Variants in BASP1 observed in about 807,000 individuals in gnomAD.
The protein encoded by BASP1 is brain abundant membrane attached signal protein 1, also known as brain acid soluble protein 1.
In BASP1, 1 loss-of-function variant was observed where a neutral mutation model predicts 2.2. The observed-to-expected ratio is 0.46, with a 90% confidence interval of 0.16 to 2.17. The LOEUF (loss-of-function observed/expected upper bound fraction) is 2.17. Among genes scored for constraint, BASP1 ranks in the 30% most tolerant of loss-of-function variants. The pLI is 0.27. For synonymous variants in BASP1, 187 were observed against 154.2 expected (o/e 1.21, Z -1.58); for missense variants, 352 against 327.2 (o/e 1.08, Z -0.58).
chr5:17,223,744 T>C (rs986378719), intron 1 of BASP1, among the ~76,000 whole-genome samples: 3 of 152,222 alleles, frequency 2.0e-5, no homozygotes, highest in Non-Finnish European at 2.9e-5. Flanking sequence ...ACCTTGGGTG[T>C]AGATGTAACT....
Position 17,275,594 on chromosome 5 carries a change from C to A in BASP1, c.378C>A (p.Ala126=). 7.1e-7 allele frequency: 1 copy of A among 1,410,250 alleles called. No individual in the cohort carries two copies. The highest frequency in any genetic ancestry group is 1.6e-5 in the South Asian group (1 of 63,510). 87.4% of individuals were successfully genotyped at this position (1,410,250 alleles called of 1,614,324 possible). Residue 126 remains alanine (A), a synonymous_variant, in exon 2 of 2, where the codon GCC becomes GCA. Coordinates refer to ENST00000322611, the MANE Select transcript of BASP1 (RefSeq NM_006317.5). The surrounding 1 kb of genome is among the most constrained non-coding windows in gnomAD (Gnocchi z 5.3). ...GGEAPKAAEA[A]AAPAESAAPA... is the part of the protein sequence containing the mutation. ...AGGCCCCCAAAGCTGCTGAGGCCGC[C>A]GCGGCCCCGGCCGAGAGCGCGGCCC... is the stretch of plus-strand genomic sequence containing the variant.
chr5:17,256,163 A>G (rs1469726838), intron 1 of BASP1, among the ~76,000 whole-genome samples: 1 of 152,240 alleles, frequency 6.6e-6, no homozygotes, highest in Non-Finnish European at 1.5e-5. Context: ...TTTGAAGGAC[A>G]TTCCAAGGTG....
chr5:17,265,634 A>G (rs1383568433), intron 1 of BASP1, among the ~76,000 whole-genome samples: 1 of 152,122 alleles, frequency 6.6e-6, no homozygotes, highest in African/African-American at 2.4e-5. Context: ...TTCCTACTTG[A>G]TACTCCTTTT....
chr5:17,227,930 T>C (rs187753998), intron 1 of BASP1, among the ~76,000 whole-genome samples: 1 of 152,200 alleles, frequency 6.6e-6, no homozygotes, highest in Non-Finnish European at 1.5e-5. Context: ...TTTAGAAACC[T>C]GGTTCCAGAA....
chr5:17,218,741 C>G (rs1246611552), intron 1 of BASP1, among the ~76,000 whole-genome samples: 1 of 151,400 alleles, frequency 6.6e-6, no homozygotes, highest in East Asian at 2.0e-4. Flanking sequence ...CCTGCTCCCC[C>G]CGCCCCCGTC....
At position 17,260,877 on chromosome 5, in the gene BASP1, A is replaced by G. The variant is rs771591926; in HGVS notation, c.-9-14331A>G. 5.9e-5 allele frequency among the ~76,000 whole-genome samples: 9 copies of G among 152,220 alleles called. No individual in the cohort carries two copies. Among genetic ancestry groups the G allele is most frequent in the Non-Finnish European group, 1.2e-4 (8 of 68,038 alleles). On this transcript the variant is annotated intron_variant, in intron 1 of 1. Coordinates refer to ENST00000322611, the MANE Select transcript of BASP1 (RefSeq NM_006317.5). This position sits in a 1 kb window ranked among gnomAD's most constrained non-coding sequence, Gnocchi z 4.2. ...AACTTTGAACGCAATCCAACAATAT[A>G]AAAGGGTTAAGCAGGCCTGGCCTGG...
intron 1 of BASP1, among the ~76,000 whole-genome samples, chr5:17,244,282 T>G (rs1322862106): frequency 1.3e-5 from 2 of 152,232 alleles, no homozygotes; most frequent in Non-Finnish European, 2.9e-5. Context: ...TCAGACTTGA[T>G]TCTCTATGGT....
chr5:17,242,285 GGT>G (rs1174868141), intron 1 of BASP1, among the ~76,000 whole-genome samples: 2 of 152,118 alleles, frequency 1.3e-5, no homozygotes, highest in Non-Finnish European at 2.9e-5. Flanking sequence ...GATGAGTGCG[GGT>G]GAGAATGGTC....
intron 1 of BASP1, among the ~76,000 whole-genome samples, chr5:17,244,136 T>C (rs2962356): frequency 0.32 from 48,085 of 152,014 alleles, 7,810 homozygotes; most frequent in East Asian, 0.47. Flanking sequence ...AGATTATACG[T>C]ATTGTACATT....
At chr5:17,259,360 C>G (rs1740271590) in intron 1 of BASP1, among the ~76,000 whole-genome samples, 1 of 152,198 alleles carries the variant, frequency 6.6e-6, no homozygotes, top group African/African-American at 2.4e-5. Flanking sequence ...AGTTACAATT[C>G]AAGATGAGAT....
At chr5:17,252,506 G>A (rs1347142517) in intron 1 of BASP1, among the ~76,000 whole-genome samples, 3 of 152,150 alleles carry the variant, frequency 2.0e-5, no homozygotes, top group Non-Finnish European at 4.4e-5. Flanking sequence ...ACCCAAGCAC[G>A]TTTTTTGGAG....
intron 1 of BASP1, among the ~76,000 whole-genome samples, chr5:17,249,695 AT>A (rs1740063617): frequency 6.6e-6 from 1 of 152,074 alleles, no homozygotes; most frequent in Non-Finnish European, 1.5e-5. Flanking sequence ...TTAAACTTCA[AT>A]TTAGACTCTA....
At chr5:17,269,339 C>T (rs551640479) in intron 1 of BASP1, among the ~76,000 whole-genome samples, 15 of 152,340 alleles carry the variant, frequency 9.8e-5, no homozygotes, top group Admixed American at 4.6e-4. Context: ...AAGTGAGACT[C>T]AGAAGGTGAT....
chr5:17,257,219 G>A (rs1310025701), intron 1 of BASP1, among the ~76,000 whole-genome samples: 1 of 152,084 alleles, frequency 6.6e-6, no homozygotes, highest in East Asian at 1.9e-4. Flanking sequence ...ATCATTGTGA[G>A]ATTTATTAAC....
intron 1 of BASP1, among the ~76,000 whole-genome samples, chr5:17,243,446 G>T (rs1430161404): frequency 6.6e-6 from 1 of 152,094 alleles, no homozygotes; most frequent in Non-Finnish European, 1.5e-5. Context: ...GAGCCACCAC[G>T]CCCGGCTCCC....
chr5:17,238,035 C>T (rs1208610785), intron 1 of BASP1, among the ~76,000 whole-genome samples: 5 of 152,058 alleles, frequency 3.3e-5, no homozygotes, highest in African/African-American at 1.2e-4. Flanking sequence ...GATTCTTGTT[C>T]TCAGTGGCCT....
chr5:17,266,851 A>G (rs1740425091), intron 1 of BASP1, among the ~76,000 whole-genome samples: 1 of 150,532 alleles, frequency 6.6e-6, no homozygotes, highest in South Asian at 2.1e-4. Flanking sequence ...CTGACCTGGA[A>G]CTCTTTCTCA....
intron 1 of BASP1, among the ~76,000 whole-genome samples, chr5:17,235,278 TG>T (rs1739718461): frequency 1.3e-5 from 2 of 151,296 alleles, no homozygotes; most frequent in Admixed American, 6.6e-5. Context: ...TTTTTTTTTT[TG>T]AGACTGAGTC....
At chr5:17,238,302 GT>G (rs570903107) in intron 1 of BASP1, among the ~76,000 whole-genome samples, 6 of 147,802 alleles carry the variant, frequency 4.1e-5, no homozygotes, top group East Asian at 2.0e-4. Flanking sequence ...GGCTATCTGA[GT>G]TTTTTTTTTA....
Sources: gnomAD v4.1 joint callset for allele counts (sites outside exome capture counted in the v4.1 genomes callset) on GRCh38, gnomAD v4.1.1 for gene constraint, Gnocchi (gnomAD v3.1) non-coding constraint, MANE v1.5 for transcripts, NCBI Gene and HGNC (gene_info 2026-07-23, HGNC 2026-07-21) for gene names.